Variants in ALDH18A1 observed in about 807,000 individuals in gnomAD.
The protein encoded by ALDH18A1 is aldehyde dehydrogenase 18 family member A1.
ALDH18A1 carries 44 observed loss-of-function variants against 88.8 expected under a neutral mutation model. The observed-to-expected ratio is 0.50, with a 90% confidence interval of 0.39 to 0.64. The LOEUF is 0.64. Among genes scored for constraint, ALDH18A1 ranks in the 30% least tolerant of loss-of-function variants. ALDH18A1 has a pLI of 0.00. For missense variants in ALDH18A1, 782 were observed against 1,009.5 expected (o/e 0.77, Z 3.05); for synonymous variants, 331 against 372.1 (o/e 0.89, Z 1.27).
chr10:95,633,298 T>G (rs1168595143), intron 6 of ALDH18A1, among the ~76,000 whole-genome samples, 193 bp downstream of exon 6: 2 of 152,214 alleles, frequency 1.3e-5, no homozygotes, highest in Admixed American at 1.3e-4. Context: ...CGCACCATCT[T>G]CAGTGACTAT....
At chr10:95,655,624 CA>C (rs1438251449) in intron 1 of ALDH18A1, among the ~76,000 whole-genome samples, 1 of 59,388 alleles carries the variant, frequency 1.7e-5, no homozygotes, top group African/African-American at 4.0e-5. Context: ...TCTGACTGAC[CA>C]GGCAGAGTGT....
At chr10:95,643,412 G>A (rs943721664) in intron 2 of ALDH18A1, among the ~76,000 whole-genome samples, 2 of 152,142 alleles carry the variant, frequency 1.3e-5, no homozygotes, top group Non-Finnish European at 2.9e-5. Context: ...CCAGTATGCA[G>A]GTCATAGGCA....
At chr10:95,609,156 T>C (rs2097828319) in intron 17 of ALDH18A1, among the ~76,000 whole-genome samples, 1 of 152,244 alleles carries the variant, frequency 6.6e-6, no homozygotes, top group Non-Finnish European at 1.5e-5. Flanking sequence ...ATTATAGGCG[T>C]GAGCCACTGC....
At chr10:95,653,254 C>T (rs777293231) in intron 2 of ALDH18A1, 36 bp downstream of exon 2, 30 of 1,519,528 alleles carry the variant, frequency 2.0e-5, no homozygotes, top group South Asian at 3.4e-5. Context: ...GACTATCAAA[C>T]GTCCCACATA....
chr10:95,655,774 ATC>A (rs2097917115), intron 1 of ALDH18A1, among the ~76,000 whole-genome samples: 1 of 152,118 alleles, frequency 6.6e-6, no homozygotes, highest in African/African-American at 2.4e-5. Flanking sequence ...TAGACTCCAT[ATC>A]ATCAGTTGAA....
At chr10:95,645,379 T>G (rs933117028) in intron 2 of ALDH18A1, among the ~76,000 whole-genome samples, 1 of 152,230 alleles carries the variant, frequency 6.6e-6, no homozygotes, top group African/African-American at 2.4e-5. Context: ...TGAACCACTA[T>G]CACTTCCCTT....
intron 11 of ALDH18A1, among the ~76,000 whole-genome samples, chr10:95,622,874 AT>A (rs2097855063): frequency 6.6e-6 from 1 of 152,016 alleles, no homozygotes; most frequent in African/African-American, 2.4e-5. Flanking sequence ...GCATGATGTG[AT>A]TCCCTCTCTC....
Position 95,637,329 on chromosome 10 carries a change from C to G in ALDH18A1, c.411G>C (p.Val137=). The G allele has an allele frequency of 6.2e-7, 1 of 1,614,246 alleles. No individual in the cohort carries two copies. Among genetic ancestry groups the G allele is most frequent in the Non-Finnish European group, 8.5e-7 (1 of 1,180,048 alleles). The change falls in exon 4 of 18, where the codon GTG becomes GTC. Residue 137 remains valine (V), a synonymous_variant. Transcript: ENST00000371224. The part of the protein sequence containing the change: ...LRHEILLSQS[V]RQALHSGQNQ... ...TCTGCCCCGAGTGGAGGGCCTGCCG[C>G]ACGCTCTGAGACAGAAGGATCTCAT... is the stretch of plus-strand genomic sequence containing the variant.
chr10:95,614,015 A>G lies in ALDH18A1; in HGVS notation c.1752T>C (p.Cys584=). Residue 584 remains cysteine, a synonymous_variant, in exon 14 of 18, where the codon TGT becomes TGC. Coordinates refer to ENST00000371224, the MANE Select transcript of ALDH18A1 (RefSeq NM_002860.4). The part of the protein sequence containing the change: ...IPVMGHSEGI[C]HMYVDSEASV... ...TGGCCTCGGAATCCACATACATGTG[A>G]CAGATCCCTTCGCTGTGCCCCATCA... The G allele has an allele frequency of 6.2e-7, 1 of 1,614,218 alleles. No homozygotes were observed. The highest frequency in any genetic ancestry group is 8.5e-7 in the Non-Finnish European group (1 of 1,180,040).
In ALDH18A1 at chr10:95,633,533, A is replaced by G. The variant is rs1396119228; in HGVS notation, c.675T>C (p.Val225=). 3.1e-6 allele frequency: 5 copies of G among 1,614,184 alleles called. No homozygotes were observed. The Admixed American group carries it at 8.3e-5, about 27-fold the overall frequency. ...CACTGTTGGGCTCAGCTGGGGGGAC[A>G]ACAGCATCATTTGTGTTGACAATGG... ...IVPIVNTNDA[V]VPPAEPNSDL... Residue 225 remains valine, a synonymous_variant, in exon 6 of 18, where the codon GTT becomes GTC. Transcript: ENST00000371224.
At position 95,606,756 on chromosome 10, in the gene ALDH18A1, C is replaced by G; in HGVS notation, c.*6G>C. On this transcript the variant is annotated 3_prime_UTR_variant, in exon 18 of 18. Coordinates refer to ENST00000371224, the MANE Select transcript of ALDH18A1 (RefSeq NM_002860.4). ...TTGGAAAATTCCCGGGTTTTCCTGG[C>G]TCTTTTCAGTTGGTGTTTCTCTGAG... 1 of 1,614,132 alleles carries G rather than the reference C, an allele frequency of 6.2e-7. No homozygotes were observed. The highest frequency in any genetic ancestry group is 1.6e-4 in the Middle Eastern group (1 of 6,062).
intron 9 of ALDH18A1, among the ~76,000 whole-genome samples, chr10:95,627,122 C>T (rs769171658): frequency 6.6e-6 from 1 of 152,132 alleles, no homozygotes; most frequent in South Asian, 2.1e-4. Context: ...TTTGTGAACA[C>T]TCGAGAGCAC....
At chr10:95,607,610 A>C (rs1250548942) in intron 17 of ALDH18A1, among the ~76,000 whole-genome samples, 1 of 152,196 alleles carries the variant, frequency 6.6e-6, no homozygotes, top group African/African-American at 2.4e-5. Flanking sequence ...AGTGGTGAAT[A>C]ATAGATACAA....
At chr10:95,645,115 A>C (rs1164921378) in intron 2 of ALDH18A1, among the ~76,000 whole-genome samples, 1 of 152,236 alleles carries the variant, frequency 6.6e-6, no homozygotes, top group Non-Finnish European at 1.5e-5. Flanking sequence ...ATGGGAGATA[A>C]GATGCTGTCA....
chr10:95,645,672 T>A (rs2097900120), intron 2 of ALDH18A1, among the ~76,000 whole-genome samples: 1 of 152,160 alleles, frequency 6.6e-6, no homozygotes, highest in African/African-American at 2.4e-5. Flanking sequence ...TTTGTGGAGA[T>A]ATAAGAAAGA....
chr10:95,633,974 T>G (rs1020930499), intron 5 of ALDH18A1, among the ~76,000 whole-genome samples: 4 of 152,040 alleles, frequency 2.6e-5, no homozygotes, highest in African/African-American at 9.7e-5. Context: ...ACGCAGCTAA[T>G]TTTTGTATTT....
At chr10:95,607,513 A>G (rs746214503) in intron 17 of ALDH18A1, among the ~76,000 whole-genome samples, 3 of 150,484 alleles carry the variant, frequency 2.0e-5, no homozygotes, top group Non-Finnish European at 4.5e-5. Context: ...TCTGCACTGT[A>G]TACAGTGGAG....
intron 3 of ALDH18A1, among the ~76,000 whole-genome samples, chr10:95,637,829 C>T (rs61871792): frequency 0.28 from 42,018 of 151,786 alleles, 6,782 homozygotes; most frequent in Admixed American, 0.4. Flanking sequence ...TTTAGCCAGG[C>T]ATGGTAGTGC....
intron 17 of ALDH18A1, 136 bp from the exon 18 acceptor site, chr10:95,607,079 G>C: frequency 1.2e-6 from 1 of 824,774 alleles, no homozygotes; most frequent in Admixed American, 1.9e-5. Flanking sequence ...CTCCCCAGAA[G>C]AGCTGAGTCA....
Sources: allele counts gnomAD v4.1 joint callset (sites outside exome capture counted in the v4.1 genomes callset), GRCh38; gene constraint gnomAD v4.1.1; transcripts MANE v1.5; gene names NCBI Gene and HGNC (gene_info 2026-07-23, HGNC 2026-07-21).